The following SH2D4A variants were observed in gnomAD, a reference collection of about 807,000 sequenced individuals.
SH2D4A encodes SH2 domain-containing protein 4A.
In SH2D4A, 70 loss-of-function variants were observed where a neutral mutation model predicts 64.7. That is an observed-to-expected ratio of 1.08 (90% CI 0.89 to 1.32). SH2D4A has a LOEUF of 1.32. Ranked by LOEUF, SH2D4A falls within the 40% of genes most tolerant of loss-of-function variation. SH2D4A has a pLI of 0.00. For synonymous variants in SH2D4A, 268 were observed against 200.7 expected (o/e 1.34, Z -2.83); for missense variants, 706 against 540.1 (o/e 1.31, Z -3.04).
At chr8:19,394,313 C>A (rs750098729) in intron 9 of SH2D4A, among the ~76,000 whole-genome samples, 1 of 152,204 alleles carries the variant, frequency 6.6e-6, no homozygotes, top group Admixed American at 6.5e-5. Context: ...GTCCATGGCC[C>A]TGGGGTTGGG....
At chr8:19,391,181 A>G (rs927080509) in intron 8 of SH2D4A, among the ~76,000 whole-genome samples, 48 of 152,242 alleles carry the variant, frequency 3.2e-4, no homozygotes, top group African/African-American at 1.2e-3. Flanking sequence ...CAGTCCCCGC[A>G]TGGGCTGGTA....
chr8:19,349,299 T>C (rs1296747065), intron 4 of SH2D4A, among the ~76,000 whole-genome samples: 2 of 152,214 alleles, frequency 1.3e-5, no homozygotes, highest in Non-Finnish European at 2.9e-5. Context: ...GTAGGTAATT[T>C]GTAGAATAAA....
At chr8:19,359,314 T>C (rs146032245) in intron 5 of SH2D4A, among the ~76,000 whole-genome samples, 3 of 152,338 alleles carry the variant, frequency 2.0e-5, no homozygotes, top group African/African-American at 7.2e-5. Flanking sequence ...TGTTAGACAT[T>C]TGAGTAACAT....
Position 19,393,206 on chromosome 8 carries a change from A to C in SH2D4A, c.1049-112A>C, listed in dbSNP as rs74624925. On this transcript the variant is annotated intron_variant, in intron 8 of 9. Transcript: ENST00000265807. ...CCAAAACAGACTTAAAATTGCTCTT[A>C]TTGTGTCTTATTTAGGCGTCATTGA... 1.1e-4 allele frequency: 105 copies of C among 913,092 alleles called. No individual in the cohort carries two copies. The East Asian group carries it at 2.4e-3, about 21-fold the overall frequency. The allele number at this position is 913,092 out of a possible 1,614,324, so 56.6% of individuals were successfully genotyped here. A position where few individuals can be genotyped will look rare whatever the true frequency, so the allele number is the denominator to read the frequency against.
chr8:19,358,972 C>G (rs2052837048), intron 5 of SH2D4A, among the ~76,000 whole-genome samples: 1 of 152,222 alleles, frequency 6.6e-6, no homozygotes, highest in Admixed American at 6.5e-5. Context: ...AAGCCATCAC[C>G]TGGATTTCCC....
chr8:19,370,657 T>C (rs1276074215), intron 7 of SH2D4A, among the ~76,000 whole-genome samples: 1 of 152,116 alleles, frequency 6.6e-6, no homozygotes, highest in Non-Finnish European at 1.5e-5. Context: ...TTGCAGGCAA[T>C]GTATAATTTG....
chr8:19,351,078 T>C (rs2052696594), intron 4 of SH2D4A, among the ~76,000 whole-genome samples: 1 of 152,200 alleles, frequency 6.6e-6, no homozygotes, highest in Non-Finnish European at 1.5e-5. Flanking sequence ...TATAACTTTA[T>C]TGAAGCAGAG....
At position 19,339,732 on chromosome 8, in the gene SH2D4A, C is replaced by T. The variant is rs187716745; in HGVS notation, c.513+4875C>T. Among the ~76,000 whole-genome samples the T allele has an allele frequency of 1.8e-3, 267 of 152,158 alleles. 2 individuals are homozygous for T. Among genetic ancestry groups the T allele is most frequent in the African/African-American group, 6.1e-3 (255 of 41,514 alleles). On this transcript the variant is annotated intron_variant, in intron 4 of 9. Coordinates refer to ENST00000265807, the MANE Select transcript of SH2D4A (RefSeq NM_022071.4). The stretch of plus-strand genomic sequence containing the variant: ...CCCAGGCTGGTCTTAAACTCCTGGC[C>T]TCAGGTGATCCTCCCACCTCAGCCA...
intron 1 of SH2D4A, 126 bp downstream of exon 1, chr8:19,313,949 A>G: frequency 3.9e-6 from 5 of 1,275,234 alleles, no homozygotes; most frequent in Non-Finnish European, 4.9e-6. Flanking sequence ...GGCGGGCGGA[A>G]GCCTCACCCC....
chr8:19,330,651 G>A (rs910977344), intron 2 of SH2D4A, among the ~76,000 whole-genome samples: 1 of 152,080 alleles, frequency 6.6e-6, no homozygotes, highest in African/African-American at 2.4e-5. Context: ...CCTGGAGGCT[G>A]TTCTGGAGCT....
chr8:19,315,202 C>T (rs974312944), intron 1 of SH2D4A, among the ~76,000 whole-genome samples: 11 of 152,130 alleles, frequency 7.2e-5, no homozygotes, highest in African/African-American at 2.4e-4. Flanking sequence ...GTGGTGCGAT[C>T]TCGGCTCACT....
At chr8:19,389,274 C>G (rs2053443408) in intron 8 of SH2D4A, among the ~76,000 whole-genome samples, 1 of 152,136 alleles carries the variant, frequency 6.6e-6, no homozygotes, top group Non-Finnish European at 1.5e-5. Context: ...TTTACCATCT[C>G]CTATGCAAAA....
chr8:19,350,958 C>T (rs1305765610), intron 4 of SH2D4A, among the ~76,000 whole-genome samples: 2 of 152,102 alleles, frequency 1.3e-5, no homozygotes, highest in Non-Finnish European at 2.9e-5. Flanking sequence ...TCAGTAAAAT[C>T]ACTCTACAAG....
intron 4 of SH2D4A, among the ~76,000 whole-genome samples, chr8:19,347,612 C>A (rs191671630): frequency 6.6e-6 from 1 of 152,230 alleles, no homozygotes; most frequent in East Asian, 1.9e-4. Flanking sequence ...CTGAAAGGGA[C>A]CTTGAATAAA....
At chr8:19,372,187 A>AAATT (rs2053113083) in intron 7 of SH2D4A, among the ~76,000 whole-genome samples, 1 of 152,162 alleles carries the variant, frequency 6.6e-6, no homozygotes. Flanking sequence ...GCCCTTCCAG[A>AAATT]AATTCTAAAG....
chr8:19,386,804 G>A (rs1025814705), intron 8 of SH2D4A, among the ~76,000 whole-genome samples: 3 of 152,176 alleles, frequency 2.0e-5, no homozygotes, highest in Middle Eastern at 3.2e-3. Flanking sequence ...AAAAAAGACA[G>A]GGTGTTGCTC....
At position 19,334,736 on chromosome 8, in the gene SH2D4A, A is replaced by G; in HGVS notation, c.392A>G (p.Tyr131Cys). ...AATAGCTTGAAAACAAAATCACAGT[A>G]CCATGATCTGCAGGCTCCGGATAAC... ...FTNSLKTKSQYHDLQAPDNQQ... is the reference protein window; with the variant it reads ...FTNSLKTKSQCHDLQAPDNQQ... The change falls in exon 4 of 10, where the codon TAC becomes TGC. Residue 131 changes from tyrosine (Y) to cysteine (C), a missense_variant. Physicochemically the swap from Tyr to Cys is radical, Grantham distance 194. Transcript: ENST00000265807. 1 of 1,613,898 alleles carries G rather than the reference A, an allele frequency of 6.2e-7. No homozygotes were observed. Among genetic ancestry groups the G allele is most frequent in the Non-Finnish European group, 8.5e-7 (1 of 1,179,952 alleles).
At chr8:19,379,859 C>T (rs2053263109) in intron 8 of SH2D4A, among the ~76,000 whole-genome samples, 1 of 152,178 alleles carries the variant, frequency 6.6e-6, no homozygotes, top group Non-Finnish European at 1.5e-5. Context: ...ACCTCAGCCT[C>T]CCGAGCAGCT....
chr8:19,381,333 A>G (rs1175401038), intron 8 of SH2D4A, among the ~76,000 whole-genome samples: 3 of 152,246 alleles, frequency 2.0e-5, no homozygotes, highest in African/African-American at 7.2e-5. Context: ...TACAAGCATG[A>G]GCCACTGTGT....
Sources: allele counts gnomAD v4.1 joint callset (sites outside exome capture counted in the v4.1 genomes callset), GRCh38; gene constraint gnomAD v4.1.1; transcripts MANE v1.5; gene names NCBI Gene and HGNC (gene_info 2026-07-23, HGNC 2026-07-21).